CEP128: variants seen among roughly 807,000 people sequenced by gnomAD.
CEP128 encodes the protein centrosomal protein 128.
CEP128 carries 132 observed loss-of-function variants against 156.7 expected under a neutral mutation model. The ratio of observed to expected loss-of-function variants is 0.84; its 90% CI spans 0.73 to 0.97. The LOEUF (loss-of-function observed/expected upper bound fraction) is 0.97, where lower values mean the gene tolerates loss of function less well. CEP128 is among the 50% of genes least tolerant of loss of function. The pLI is 0.00. For synonymous variants in CEP128, 469 were observed against 448.9 expected (o/e 1.04, Z -0.57); for missense variants, 1,252 against 1,281.9 (o/e 0.98, Z 0.36).
intron 19 of CEP128, among the ~76,000 whole-genome samples, chr14:80,690,849 G>T (rs1896698426): frequency 6.6e-6 from 1 of 151,814 alleles, no homozygotes; most frequent in Admixed American, 6.6e-5. Flanking sequence ...GCTTAGAAAG[G>T]TTTTTTCTTC....
chr14:80,831,284 C>A lies in CEP128; in HGVS notation c.1068G>T (p.Arg356=), dbSNP rs750908369. The A allele has an allele frequency of 3.1e-6, 5 of 1,613,806 alleles. No homozygotes were observed. The South Asian group carries it at 5.5e-5, about 18-fold the overall frequency. The change falls in exon 13 of 25, where the codon CGG becomes CGT. Residue 356 remains arginine, a synonymous_variant. Coordinates refer to ENST00000555265, the MANE Select transcript of CEP128 (RefSeq NM_152446.5). ...EDWRFRRGVE[R]EKQDLEKQMS... is the part of the protein sequence containing the mutation. Reference sequence around the variant, plus strand: ...TTTGCTTCTCCAGGTCCTGTTTTTCCCGCTCAACCCCTTAAAAGATAAAAT... The same window carrying A: ...TTTGCTTCTCCAGGTCCTGTTTTTCACGCTCAACCCCTTAAAAGATAAAAT...
intron 19 of CEP128, among the ~76,000 whole-genome samples, chr14:80,695,526 G>A (rs1220764255): frequency 6.6e-6 from 1 of 151,900 alleles, no homozygotes; most frequent in Non-Finnish European, 1.5e-5. Context: ...CCCTAGCCTG[G>A]CCAACATGGT....
intron 13 of CEP128, among the ~76,000 whole-genome samples, chr14:80,827,071 C>T (rs185165755): frequency 4.1e-4 from 62 of 152,262 alleles, no homozygotes; most frequent in Middle Eastern, 6.8e-3. Context: ...GCCATTTTTA[C>T]TGTTTTTCTC....
chr14:80,923,330 A>G (rs1884978482), intron 2 of CEP128, among the ~76,000 whole-genome samples: 1 of 152,180 alleles, frequency 6.6e-6, no homozygotes, highest in South Asian at 2.1e-4. Context: ...ACTGAATTCA[A>G]CCTTTGTAAT....
chr14:80,501,948 C>A (rs770527196), intron 24 of CEP128, among the ~76,000 whole-genome samples: 1 of 152,098 alleles, frequency 6.6e-6, no homozygotes, highest in Admixed American at 6.5e-5. Context: ...ACACACCTGT[C>A]GCCATTTTCC....
In CEP128 at chr14:80,955,872, G is replaced by C. The variant is rs201052465; in HGVS notation, c.-172+2306C>G. On this transcript the variant is annotated intron_variant, in intron 2 of 7. Transcript: ENST00000555529. ...CTCTGTGAGTACCCGGGAGAGATCA[G>C]GGTAGGACCCAGAGATCAAGGGCAT... The C allele has an allele frequency of 1.2e-4, 195 of 1,613,962 alleles. 1 individual carries two copies. The highest frequency in any genetic ancestry group is 4.9e-4 in the Middle Eastern group (3 of 6,084).
At chr14:80,730,838 A>T (rs1266019531) in intron 19 of CEP128, among the ~76,000 whole-genome samples, 1 of 152,158 alleles carries the variant, frequency 6.6e-6, no homozygotes, top group African/African-American at 2.4e-5. Flanking sequence ...TTTCCTCTTT[A>T]TGGGAGAGAA....
chr14:80,652,141 C>A (rs758214216), intron 19 of CEP128, among the ~76,000 whole-genome samples: 1 of 151,224 alleles, frequency 6.6e-6, no homozygotes, highest in African/African-American at 2.4e-5. Flanking sequence ...GCTAGCCATA[C>A]GCAGAAAACT....
intron 19 of CEP128, among the ~76,000 whole-genome samples, chr14:80,584,136 G>A (rs1019866998): frequency 4.5e-4 from 65 of 146,040 alleles, no homozygotes; most frequent in African/African-American, 1.6e-3. Context: ...CAGGGCGTCC[G>A]TGACATTTTT....
intron 19 of CEP128, among the ~76,000 whole-genome samples, chr14:80,649,425 T>C (rs942594248): frequency 6.6e-5 from 10 of 151,622 alleles, no homozygotes; most frequent in African/African-American, 2.4e-4. Flanking sequence ...ATGGAGAAAA[T>C]TGCTTGGTGA....
chr14:80,740,161 T>C (rs889212491), intron 19 of CEP128, among the ~76,000 whole-genome samples: 2 of 152,108 alleles, frequency 1.3e-5, no homozygotes, highest in African/African-American at 4.8e-5. Context: ...TTTAGTGTTC[T>C]TTCATTACTT....
At chr14:80,889,442 G>A (rs1472596358) in intron 8 of CEP128, among the ~76,000 whole-genome samples, 1 of 152,070 alleles carries the variant, frequency 6.6e-6, no homozygotes, top group Non-Finnish European at 1.5e-5. Flanking sequence ...ACAGACCAAT[G>A]GAACAGAACA....
chr14:80,559,616 T>C (rs546454249), intron 20 of CEP128, among the ~76,000 whole-genome samples: 1 of 152,276 alleles, frequency 6.6e-6, no homozygotes, highest in Non-Finnish European at 1.5e-5. Context: ...ATGTAAAATG[T>C]TAGATTTGAT....
chr14:80,599,807 T>C (rs1181110472), intron 19 of CEP128, among the ~76,000 whole-genome samples: 1 of 152,062 alleles, frequency 6.6e-6, no homozygotes, highest in Non-Finnish European at 1.5e-5. Flanking sequence ...GAATGATGTC[T>C]TGCAAAATGG....
intron 19 of CEP128, among the ~76,000 whole-genome samples, chr14:80,715,049 T>G (rs1175133737): frequency 6.6e-6 from 1 of 151,916 alleles, no homozygotes; most frequent in African/African-American, 2.4e-5. Context: ...ATGGTGAAAC[T>G]CCACATCTGC....
chr14:80,958,066 C>G (rs1382273411), intron 2 of CEP128: 1 of 151,960 alleles, frequency 6.6e-6, no homozygotes, highest in Non-Finnish European at 1.5e-5. Context: ...CCATCTGCAA[C>G]AGTAGAAAAA....
At chr14:80,801,789 T>C (rs150997) in intron 13 of CEP128, among the ~76,000 whole-genome samples, 53,781 of 151,068 alleles carry the variant, frequency 0.36, 9,982 homozygotes, top group South Asian at 0.49. Context: ...GTGCCTGTAG[T>C]CCCAGCTACT....
At chr14:80,903,941 A>G (rs1883727503) in intron 6 of CEP128, among the ~76,000 whole-genome samples, 1 of 152,124 alleles carries the variant, frequency 6.6e-6, no homozygotes, top group Non-Finnish European at 1.5e-5. Context: ...AGGGTCTTCA[A>G]AAACTAAAAA....
At chr14:80,740,494 C>CTAGATAGATAGATAGATGATAGA (rs1257831747) in intron 19 of CEP128, among the ~76,000 whole-genome samples, 2 of 140,802 alleles carry the variant, frequency 1.4e-5, no homozygotes, top group African/African-American at 5.4e-5. Flanking sequence ...ATATTTATAT[C>CTAGATAGATAGATAGATGATAGA]TAGATAGATA....
Sources: gnomAD v4.1 joint callset for allele counts (sites outside exome capture counted in the v4.1 genomes callset) on GRCh38, gnomAD v4.1.1 for gene constraint, MANE v1.5 for transcripts, NCBI Gene and HGNC (gene_info 2026-07-23, HGNC 2026-07-21) for gene names.